Variants in C1orf167 observed in about 807,000 individuals in gnomAD.
The protein encoded by C1orf167 is chromosome 1 open reading frame 167.
Under a neutral mutation model 176.5 loss-of-function variants are expected in C1orf167, and 153 were observed. The observed-to-expected ratio is 0.87, with a 90% CI of 0.76 to 0.99. The LOEUF (loss-of-function observed/expected upper bound fraction) is 0.99, where lower values mean the gene tolerates loss of function less well. Among genes scored for constraint, C1orf167 ranks in the 50% least tolerant of loss-of-function variants. C1orf167 has a pLI of 0.00. For synonymous variants in C1orf167, 594 were observed against 752.7 expected, an observed-to-expected ratio of 0.79 and a Z score of 3.45; for missense variants, 1,490 against 1,817.7, an observed-to-expected ratio of 0.82 and a Z score of 3.28.
chr1:11,764,933 A>T (rs1490793444), intron 2 of C1orf167, among the ~76,000 whole-genome samples: 1 of 151,570 alleles, frequency 6.6e-6, no homozygotes, highest in Non-Finnish European at 1.5e-5. Context: ...GGGTGCCTGT[A>T]ATCCCAGCTA....
intron 6 of C1orf167, among the ~76,000 whole-genome samples, chr1:11,769,405 A>G (rs1007472124): frequency 3.3e-5 from 5 of 151,952 alleles, no homozygotes; most frequent in Non-Finnish European, 7.4e-5. Flanking sequence ...CGTCTCTAGC[A>G]AAAAAATGTA....
chr1:11,771,634 C>A lies in C1orf167; in HGVS notation c.1808C>A (p.Ala603Asp). ...RVQILQALQL[A>D]VFFLWCQQKK... ...CAGATCCTGCAGGCCCTGCAACTGG[C>A]TGGTGAGACGTGGGGTGCTGGGAAA... The change falls in exon 7 of 21, where the codon GCT (alanine) becomes GAT (aspartate). Residue 603 changes from alanine to aspartate, a missense_variant and splice_region_variant. Coordinates refer to ENST00000688073, the MANE Select transcript of C1orf167 (RefSeq NM_001010881.2). 1 of 1,289,492 alleles carries A rather than the reference C, an allele frequency of 7.8e-7. No individual in the cohort carries two copies. The highest frequency in any genetic ancestry group is 1.0e-6 in the Non-Finnish European group (1 of 988,606). 79.9% of individuals were successfully genotyped at this position (1,289,492 alleles called of 1,614,324 possible).
chr1:11,781,283 C>T (rs2100379450), intron 13 of C1orf167, among the ~76,000 whole-genome samples: 1 of 152,100 alleles, frequency 6.6e-6, no homozygotes, highest in East Asian at 1.9e-4. Context: ...CAAGCGTGAG[C>T]CACCGCACCC....
intron 10 of C1orf167, chr1:11,777,131 A>G (rs1210807026): frequency 1.3e-5 from 2 of 152,800 alleles, no homozygotes; most frequent in Non-Finnish European, 2.9e-5. Flanking sequence ...ACAACTAGAG[A>G]AACTGAGGCT....
intron 19 of C1orf167, 130 bp from the exon 20 acceptor site, chr1:11,788,522 C>G: frequency 1.8e-6 from 2 of 1,100,800 alleles, no homozygotes; most frequent in Non-Finnish European, 2.4e-6. Flanking sequence ...TCTTAATACT[C>G]CTCAGATGAC....
intron 12 of C1orf167, 143 bp downstream of exon 12, chr1:11,779,223 C>T (rs565009981): frequency 1.5e-5 from 12 of 789,002 alleles, no homozygotes; most frequent in South Asian, 8.1e-5. Context: ...CTTCCTGCCC[C>T]GTCCTACTGA....
At position 11,787,504 on chromosome 1, in the gene C1orf167, C is replaced by T. The variant is rs931842678; in HGVS notation, c.3673+11C>T. 13 of 1,294,956 alleles carry T rather than the reference C, an allele frequency of 1.0e-5. No homozygotes were observed. In the African/African-American group the frequency reaches 1.7e-4, roughly 17 times the overall value. 80.2% of individuals were successfully genotyped at this position (1,294,956 alleles called of 1,614,324 possible). On this transcript the variant is annotated intron_variant, in intron 17 of 20. Coordinates refer to ENST00000688073, the MANE Select transcript of C1orf167 (RefSeq NM_001010881.2). ...CGGCCTGGGCTCAGAGTAAGGAGACCTTGCCCCGGGGGACAAACGGTGTCT... is the reference window on the plus strand; with the variant it reads ...CGGCCTGGGCTCAGAGTAAGGAGACTTTGCCCCGGGGGACAAACGGTGTCT...
chr1:11,770,214 A>T (rs1377203851), intron 6 of C1orf167, among the ~76,000 whole-genome samples: 1 of 147,642 alleles, frequency 6.8e-6, no homozygotes, highest in South Asian at 2.2e-4. Context: ...ACATAGTTGC[A>T]TAGAAACCAC....
rs564466007 is a variant in C1orf167, at chr1:11,788,027, G to A, written c.3828G>A (p.Lys1276=). 3,685 of 1,300,674 alleles carry A rather than the reference G, an allele frequency of 2.8e-3. 8 individuals carry two copies. The highest frequency in any genetic ancestry group is 3.4e-3 in the Non-Finnish European group (3,310 of 987,136). The allele number at this position is 1,300,674 out of a possible 1,614,324, so 80.6% of individuals were successfully genotyped here. A position where few individuals can be genotyped will look rare whatever the true frequency, so the allele number is the denominator to read the frequency against. Residue 1276 remains lysine, a synonymous_variant, in exon 18 of 21, where the codon AAG becomes AAA. Coordinates refer to ENST00000688073, the MANE Select transcript of C1orf167 (RefSeq NM_001010881.2). Reference sequence around the variant, plus strand: ...CCAGAGCCTGCAAAGCCCAAAGCAAGGCCCATAAACGGAGGCTACGGTAAG... The same window carrying A: ...CCAGAGCCTGCAAAGCCCAAAGCAAAGCCCATAAACGGAGGCTACGGTAAG... ...PEPRACKAQS[K]AHKRRLRARS... is the part of the protein sequence containing the mutation.
In C1orf167 at chr1:11,775,507, G is replaced by A. The variant is rs1047221519; in HGVS notation, c.2061G>A (p.Thr687=). The change falls in exon 9 of 21, where the codon ACG becomes ACA. Residue 687 remains threonine, a synonymous_variant. Coordinates refer to ENST00000688073, the MANE Select transcript of C1orf167 (RefSeq NM_001010881.2). ...GAGACCACCTGGCTGACCGCCGGAC[G>A]GGGACCCTGAGGAAATGCCTGGAAC... ...RYRDHLADRR[T]GTLRKCLEQW... 1.6e-5 allele frequency: 21 copies of A among 1,304,226 alleles called. No individual in the cohort carries two copies. Among genetic ancestry groups the A allele is most frequent in the East Asian group, 1.1e-4 (2 of 18,036 alleles). 80.8% of individuals were successfully genotyped at this position (1,304,226 alleles called of 1,614,324 possible). A position where few individuals can be genotyped will look rare whatever the true frequency, so the allele number is the denominator to read the frequency against.
chr1:11,765,203 C>G (rs557244598), intron 2 of C1orf167, among the ~76,000 whole-genome samples: 2 of 152,252 alleles, frequency 1.3e-5, no homozygotes, highest in East Asian at 3.9e-4. Flanking sequence ...CTTGACCTCT[C>G]TGAGCTTTAG....
At chr1:11,785,507 C>A (rs1375734261) in intron 16 of C1orf167, among the ~76,000 whole-genome samples, 1 of 152,190 alleles carries the variant, frequency 6.6e-6, no homozygotes, top group East Asian at 1.9e-4. Flanking sequence ...CCAGCAACCT[C>A]GTATGCACCA....
Position 11,766,833 on chromosome 1 carries a change from C to G in C1orf167, c.1047C>G (p.His349Gln). Reference protein sequence around the residue: ...LNPEQGLPPAHPLGSGDSCSP... With the variant: ...LNPEQGLPPAQPLGSGDSCSP... ...CTGAGCAGGGGCTCCCTCCTGCCCACCCCCTAGGGTCAGGGGACAGCTGCT... is the reference window on the plus strand; with the variant it reads ...CTGAGCAGGGGCTCCCTCCTGCCCAGCCCCTAGGGTCAGGGGACAGCTGCT... Residue 349 changes from histidine (H) to glutamine (Q), a missense_variant, in exon 3 of 21, where the codon CAC becomes CAG. Transcript: ENST00000688073. The surrounding 1 kb of genome is among the most constrained non-coding windows in gnomAD (Gnocchi z 4.5). The G allele has an allele frequency of 1.6e-6, 2 of 1,288,090 alleles. No individual in the cohort carries two copies. The highest frequency in any genetic ancestry group is 2.5e-5 in the South Asian group (2 of 80,932). The allele number at this position is 1,288,090 out of a possible 1,614,324, so 79.8% of individuals were successfully genotyped here. A position where few individuals can be genotyped will look rare whatever the true frequency, so the allele number is the denominator to read the frequency against.
Position 11,771,069 on chromosome 1 carries a change from A to ATTTTT in C1orf167, c.1698-432_1698-428dup, listed in dbSNP as rs147195468. Among the ~76,000 whole-genome samples the ATTTTT allele has an allele frequency of 7.4e-4, 35 of 47,224 alleles. 2 individuals carry two copies. Among genetic ancestry groups the ATTTTT allele is most frequent in the Non-Finnish European group, 8.9e-4 (26 of 29,064 alleles). The allele number at this position is 47,224 out of a possible 152,430, so 31.0% of individuals were successfully genotyped here. A position where few individuals can be genotyped will look rare whatever the true frequency, so the allele number is the denominator to read the frequency against. ...TGTGTGTATATATATATATATATAT[A>ATTTTT]TTTTTTTTTTTTTTTTTTTTTTTTT... On this transcript the variant is annotated intron_variant, in intron 6 of 20. Coordinates refer to ENST00000688073, the MANE Select transcript of C1orf167 (RefSeq NM_001010881.2).
chr1:11,779,349 C>T (rs569762355), intron 12 of C1orf167: 1 of 221,250 alleles, frequency 4.5e-6, no homozygotes, highest in African/African-American at 2.3e-5. Context: ...GTTGGTCTCC[C>T]TGGGTTCTAA....
At chr1:11,775,693 C>A (rs1557732261) in intron 9 of C1orf167, 83 bp downstream of exon 9, 4 of 1,234,484 alleles carry the variant, frequency 3.2e-6, no homozygotes. Flanking sequence ...TATGTGAATT[C>A]TTGTGGGAGG....
chr1:11,785,629 G>A (rs1643827787), intron 16 of C1orf167: 1 of 177,602 alleles, frequency 5.6e-6, no homozygotes, highest in Non-Finnish European at 1.2e-5. Flanking sequence ...GCAAAGACCA[G>A]CATGTTGGGT....
At chr1:11,773,640 A>G (rs929419686) in intron 8 of C1orf167, among the ~76,000 whole-genome samples, 6 of 152,112 alleles carry the variant, frequency 3.9e-5, no homozygotes, top group East Asian at 3.9e-4. Flanking sequence ...CCCGGGAGGC[A>G]GAGGTTGCAG....
chr1:11,766,673 G>A lies in C1orf167; in HGVS notation c.887G>A (p.Arg296Lys), dbSNP rs2100247170. ...QPVLASSDGR[R>K]RRLRGHRETA... ...GTCCTTGCTTCCTCGGATGGGAGGAGGAGACGCCTTCGAGGCCACAGGGAA... is the reference window on the plus strand; with the variant it reads ...GTCCTTGCTTCCTCGGATGGGAGGAAGAGACGCCTTCGAGGCCACAGGGAA... The change falls in exon 3 of 21, where the codon AGG (arginine) becomes AAG (lysine). Residue 296 changes from arginine (R) to lysine (K), a missense_variant. Coordinates refer to ENST00000688073, the MANE Select transcript of C1orf167 (RefSeq NM_001010881.2). This position sits in a 1 kb window ranked among gnomAD's most constrained non-coding sequence, Gnocchi z 4.5. 1 of 1,289,858 alleles carries A rather than the reference G, an allele frequency of 7.8e-7. No individual in the cohort carries two copies. The highest frequency in any genetic ancestry group is 1.0e-6 in the Non-Finnish European group (1 of 988,876). 79.9% of individuals were successfully genotyped at this position (1,289,858 alleles called of 1,614,324 possible). A position where few individuals can be genotyped will look rare whatever the true frequency, so the allele number is the denominator to read the frequency against.
Sources: gnomAD v4.1 joint callset for allele counts (sites outside exome capture counted in the v4.1 genomes callset) on GRCh38, gnomAD v4.1.1 for gene constraint, Gnocchi (gnomAD v3.1) non-coding constraint, MANE v1.5 for transcripts, NCBI Gene and HGNC (gene_info 2026-07-23, HGNC 2026-07-21) for gene names.